The following CHST9 variants were observed in gnomAD, a reference collection of about 807,000 sequenced individuals.
CHST9 encodes GalNAc-4-sulfotransferase 2.
A neutral mutation model predicts 44.4 loss-of-function variants in CHST9; 41 were observed. That is an observed-to-expected ratio of 0.92 (90% CI 0.72 to 1.20). The LOEUF (loss-of-function observed/expected upper bound fraction) is 1.20, where lower values mean the gene tolerates loss of function less well. Ranked by LOEUF, CHST9 falls within the 50% of genes most tolerant of loss-of-function variation. CHST9 has a pLI of 0.00. For synonymous variants in CHST9, 171 were observed against 178.4 expected (o/e 0.96, Z 0.33); for missense variants, 504 against 516.5 (o/e 0.98, Z 0.23).
chr18:26,974,985 T>G (rs997227663), intron 4 of CHST9, among the ~76,000 whole-genome samples: 1 of 152,156 alleles, frequency 6.6e-6, no homozygotes, highest in East Asian at 1.9e-4. Context: ...CAGGCGTACT[T>G]ATTTTCATTT....
At chr18:27,010,413 AGGGT>A (rs1398443626) in intron 4 of CHST9, among the ~76,000 whole-genome samples, 2 of 152,190 alleles carry the variant, frequency 1.3e-5, no homozygotes, top group Non-Finnish European at 2.9e-5. Flanking sequence ...AGTAATTGTC[AGGGT>A]GAAATCAAGA....
chr18:27,104,517 G>T (rs1226213759), intron 2 of CHST9, among the ~76,000 whole-genome samples: 1 of 152,152 alleles, frequency 6.6e-6, no homozygotes, highest in Non-Finnish European at 1.5e-5. Context: ...GCTGCTGGGA[G>T]ACAAGTCAGC....
rs1328857171 is a variant in CHST9, at chr18:27,049,190, T to G, written c.122-687A>C. 2.0e-5 allele frequency among the ~76,000 whole-genome samples: 3 copies of G among 151,716 alleles called. 1 individual carries two copies. The South Asian group carries it at 6.3e-4, about 32-fold the overall frequency. On this transcript the variant is annotated intron_variant, in intron 2 of 5. Transcript: ENST00000618847. Reference sequence around the variant, plus strand: ...GAAAGGGTGGACTGAGTCATGGCAGTGGGAGTGGAGAGGAGGGAAGTAGTG... The same window carrying G: ...GAAAGGGTGGACTGAGTCATGGCAGGGGGAGTGGAGAGGAGGGAAGTAGTG...
At chr18:27,136,579 T>C (rs1158835224) in intron 2 of CHST9, among the ~76,000 whole-genome samples, 1 of 152,222 alleles carries the variant, frequency 6.6e-6, no homozygotes, top group Non-Finnish European at 1.5e-5. Context: ...TTTTCTTGTC[T>C]TGAAAAATGG....
chr18:27,184,585 T>C, intron 1 of CHST9, among the ~76,000 whole-genome samples: 1 of 151,158 alleles, frequency 6.6e-6, no homozygotes, highest in Admixed American at 6.6e-5. Context: ...CTCCCACCTC[T>C]CCCGCAGCCT....
chr18:26,966,939 A>T (rs973041826), intron 4 of CHST9, among the ~76,000 whole-genome samples: 12 of 150,628 alleles, frequency 8.0e-5, no homozygotes, highest in Admixed American at 2.6e-4. Context: ...AATTGACATG[A>T]TTTCCTAATG....
In CHST9 at chr18:26,907,988, T is replaced by A. The variant is rs146345067; in HGVS notation, c.*8271A>T. ...ATAGAGACAAAAGGTAGAATGATGG[T>A]TGCCAGAACTGGGGGAGGGCAAAAA... On this transcript the variant is annotated 3_prime_UTR_variant, in exon 6 of 6. Transcript: ENST00000618847. 1.1e-3 allele frequency: 177 copies of A among 155,798 alleles called. No homozygotes were observed. The highest frequency in any genetic ancestry group is 3.2e-3 in the Admixed American group (51 of 15,872). 9.7% of individuals were successfully genotyped at this position (155,798 alleles called of 1,614,324 possible).
intron 4 of CHST9, among the ~76,000 whole-genome samples, chr18:26,966,664 A>T (rs2145160767): frequency 6.6e-6 from 1 of 152,262 alleles, no homozygotes; most frequent in Admixed American, 6.5e-5. Context: ...TTGGCCACAG[A>T]CCTTTCTGTC....
rs543892355 is a variant in CHST9 at position 27,103,697 on chromosome 18, C to T, written c.121+38992G>A. On this transcript the variant is annotated intron_variant, in intron 2 of 5. Coordinates refer to ENST00000618847, the MANE Select transcript of CHST9 (RefSeq NM_031422.6). ...TCCTTCCATGGGAGTATATAGATGC[C>T]TTTGGCGAGTTAAGCCAAGTGGCCT... 7.8e-4 allele frequency among the ~76,000 whole-genome samples: 119 copies of T among 152,272 alleles called. 1 individual carries two copies. Among genetic ancestry groups the T allele is most frequent in the East Asian group, 6.6e-3 (34 of 5,182 alleles).
chr18:27,104,815 C>T lies in CHST9; in HGVS notation c.121+37874G>A, dbSNP rs533061712. Among the ~76,000 whole-genome samples, 4 of 152,090 alleles carry T rather than the reference C, an allele frequency of 2.6e-5. No individual in the cohort carries two copies. In the South Asian group the frequency reaches 8.3e-4, roughly 32 times the overall value. On this transcript the variant is annotated intron_variant, in intron 2 of 5. Coordinates refer to ENST00000618847, the MANE Select transcript of CHST9 (RefSeq NM_031422.6). ...TATTTAGAATATGGCATCTTTTCTT[C>T]TTTTTCATGCTTTCGTTTTGAATAC...
chr18:27,154,203 G>C (rs2058681110), intron 1 of CHST9, among the ~76,000 whole-genome samples: 1 of 151,968 alleles, frequency 6.6e-6, no homozygotes, highest in African/African-American at 2.4e-5. Flanking sequence ...AGAAATAAAT[G>C]ATAATAAATA....
chr18:27,178,785 C>T (rs2058888196), intron 1 of CHST9, among the ~76,000 whole-genome samples: 1 of 151,960 alleles, frequency 6.6e-6, no homozygotes, highest in Non-Finnish European at 1.5e-5. Flanking sequence ...GATTCATCTA[C>T]CACAAGCAAT....
At chr18:27,011,480 C>T (rs1429017915) in intron 4 of CHST9, among the ~76,000 whole-genome samples, 1 of 152,090 alleles carries the variant, frequency 6.6e-6, no homozygotes, top group African/African-American at 2.4e-5. Flanking sequence ...GGGAAAAAAA[C>T]AGACAAGAGC....
chr18:27,180,238 T>C (rs2058901307), intron 1 of CHST9, among the ~76,000 whole-genome samples: 1 of 152,196 alleles, frequency 6.6e-6, no homozygotes, highest in Admixed American at 6.5e-5. Context: ...TCAAATTTAT[T>C]CATCATATAT....
chr18:27,025,616 T>C (rs926593993), intron 3 of CHST9, among the ~76,000 whole-genome samples: 3 of 152,196 alleles, frequency 2.0e-5, no homozygotes, highest in African/African-American at 7.2e-5. Flanking sequence ...TTCTACTTGA[T>C]TTAGTAATAT....
intron 4 of CHST9, among the ~76,000 whole-genome samples, chr18:26,969,771 A>AT (rs2056518119): frequency 6.6e-6 from 1 of 152,112 alleles, no homozygotes. Flanking sequence ...TTTGGGGAAG[A>AT]TTTTCTGAGT....
intron 1 of CHST9, among the ~76,000 whole-genome samples, chr18:27,143,601 T>A (rs2058586740): frequency 7.3e-6 from 1 of 136,136 alleles, no homozygotes; most frequent in African/African-American, 2.5e-5. Context: ...TTTATTTTTT[T>A]TAAAAAAATT....
chr18:26,944,812 A>T (rs1391577962), intron 4 of CHST9, among the ~76,000 whole-genome samples: 3 of 152,180 alleles, frequency 2.0e-5, no homozygotes. Context: ...CTACTTCAAA[A>T]ACATTTCTTA....
intron 4 of CHST9, among the ~76,000 whole-genome samples, chr18:26,948,204 A>C (rs1011518463): frequency 6.6e-6 from 1 of 152,184 alleles, no homozygotes; most frequent in African/African-American, 2.4e-5. Flanking sequence ...CAATGAGAAC[A>C]CATGGGCACA....
Sources: gnomAD v4.1 joint callset for allele counts (sites outside exome capture counted in the v4.1 genomes callset) on GRCh38, gnomAD v4.1.1 for gene constraint, MANE v1.5 for transcripts, NCBI Gene and HGNC (gene_info 2026-07-23, HGNC 2026-07-21) for gene names.